Variants in DLG2 observed in about 807,000 individuals in gnomAD.
DLG2 encodes disks large homolog 2.
A neutral mutation model predicts 132.5 loss-of-function variants in DLG2; 45 were observed. That is an observed-to-expected ratio of 0.34 (90% CI 0.27 to 0.44). The LOEUF is 0.44. Among genes scored for constraint, DLG2 ranks in the 20% least tolerant of loss-of-function variants. DLG2 has a pLI of 1.00. For synonymous variants in DLG2, 424 were observed against 419.6 expected (o/e 1.01, Z -0.13); for missense variants, 1,045 against 1,196.9 (o/e 0.87, Z 1.87).
intron 15 of DLG2, among the ~76,000 whole-genome samples, chr11:83,927,770 G>A (rs1308293426): frequency 6.6e-6 from 1 of 152,094 alleles, no homozygotes; most frequent in East Asian, 1.9e-4. Context: ...CAATTAAGAA[G>A]CTATTATAGG....
chr11:85,552,144 A>C (rs1052228051), intron 3 of DLG2, among the ~76,000 whole-genome samples: 1 of 151,458 alleles, frequency 6.6e-6, no homozygotes, highest in African/African-American at 2.4e-5. Context: ...GGCAGTAGCA[A>C]GAATGTTCAT....
chr11:84,079,556 T>G (rs138235472), intron 10 of DLG2, among the ~76,000 whole-genome samples: 2,057 of 152,300 alleles, frequency 0.014, 50 homozygotes, highest in African/African-American at 0.046. Flanking sequence ...GTGTTGGGAT[T>G]ACAGGCATGA....
chr11:84,882,962 T>C (rs1196599574), intron 6 of DLG2, among the ~76,000 whole-genome samples: 1 of 152,122 alleles, frequency 6.6e-6, no homozygotes, highest in African/African-American at 2.4e-5. Context: ...TTCCTGGGTA[T>C]ATACCCAAAG....
At chr11:84,415,443 C>T (rs1405935674) in intron 7 of DLG2, among the ~76,000 whole-genome samples, 1 of 152,094 alleles carries the variant, frequency 6.6e-6, no homozygotes, top group African/African-American at 2.4e-5. Flanking sequence ...GTTTTCTATT[C>T]ATCTTATATA....
Position 83,456,572 on chromosome 11 carries a change from G to C in DLG2, c.*3246C>G, listed in dbSNP as rs1003437390. 6.6e-6 allele frequency: 1 copy of C among 151,548 alleles called. No individual in the cohort carries two copies. The highest frequency in any genetic ancestry group is 2.1e-4 in the South Asian group (1 of 4,800). 9.4% of individuals were successfully genotyped at this position (151,548 alleles called of 1,614,324 possible). ...AGACTAAAGGAGAGGTGGACAAAAA[G>C]AGAAAGGGAATAGAGAAGGATTATA... On this transcript the variant is annotated 3_prime_UTR_variant, in exon 28 of 28. Coordinates refer to ENST00000376104, the MANE Select transcript of DLG2 (RefSeq NM_001142699.3).
intron 6 of DLG2, among the ~76,000 whole-genome samples, chr11:84,662,263 G>A (rs1181665753): frequency 7.1e-6 from 1 of 140,176 alleles, no homozygotes; most frequent in African/African-American, 2.7e-5. Flanking sequence ...TACAATCTCT[G>A]CCTCCCAGGT....
intron 3 of DLG2, among the ~76,000 whole-genome samples, chr11:85,361,598 G>A (rs1272891583): frequency 6.6e-6 from 1 of 152,134 alleles, no homozygotes; most frequent in African/African-American, 2.4e-5. Flanking sequence ...CAGGATCATG[G>A]CCTCCAGTTC....
At chr11:83,998,063 G>A (rs942864843) in intron 11 of DLG2, among the ~76,000 whole-genome samples, 3 of 152,050 alleles carry the variant, frequency 2.0e-5, no homozygotes, top group Admixed American at 2.0e-4. Flanking sequence ...TTGAACCCGG[G>A]AGGTGGAGGT....
chr11:84,001,496 A>C (rs889364857), intron 11 of DLG2, among the ~76,000 whole-genome samples: 2 of 152,114 alleles, frequency 1.3e-5, no homozygotes, highest in African/African-American at 2.4e-5. Context: ...TTCTAATACA[A>C]TAATAGTGGG....
intron 3 of DLG2, among the ~76,000 whole-genome samples, chr11:85,422,920 A>G (rs1178564458): frequency 2.0e-5 from 3 of 150,266 alleles, no homozygotes; most frequent in East Asian, 3.9e-4. Context: ...TAATAACTAA[A>G]CTCCTGAATT....
chr11:84,470,233 G>C (rs541801542), intron 7 of DLG2, among the ~76,000 whole-genome samples: 2 of 151,802 alleles, frequency 1.3e-5, no homozygotes, highest in African/African-American at 4.8e-5. Flanking sequence ...GAGGAAAATG[G>C]AAATACTAGA....
intron 4 of DLG2, among the ~76,000 whole-genome samples, chr11:85,254,774 G>A (rs1365748487): frequency 6.6e-6 from 1 of 152,152 alleles, no homozygotes; most frequent in East Asian, 1.9e-4. Context: ...GCTGAGGCAG[G>A]AGGATCATGA....
chr11:85,207,749 G>T (rs2081998681), intron 4 of DLG2, among the ~76,000 whole-genome samples: 1 of 151,964 alleles, frequency 6.6e-6, no homozygotes, highest in Admixed American at 6.6e-5. Flanking sequence ...TATGGGGTGG[G>T]AATGGAACTT....
intron 17 of DLG2, among the ~76,000 whole-genome samples, chr11:83,787,482 C>T (rs370006011): frequency 6.5e-4 from 98 of 151,818 alleles, no homozygotes; most frequent in Non-Finnish European, 1.2e-3. Context: ...CCACCACGCC[C>T]GGCTAATTTT....
At chr11:84,789,267 T>C (rs1324820178) in intron 6 of DLG2, among the ~76,000 whole-genome samples, 3 of 152,194 alleles carry the variant, frequency 2.0e-5, no homozygotes, top group Non-Finnish European at 4.4e-5. Context: ...GTCTTTCTCA[T>C]AATGGCTGCA....
rs1173438622 is a variant in DLG2 at position 85,015,862 on chromosome 11, T to C, written c.357+95799A>G. 2.0e-5 allele frequency among the ~76,000 whole-genome samples: 3 copies of C among 152,164 alleles called. No individual in the cohort carries two copies. The East Asian group carries it at 5.8e-4, about 29-fold the overall frequency. ...AAATTCAAACTCTTATAATACTTTA[T>C]GGTAACTTATCTCATAGAAATTACA... On this transcript the variant is annotated intron_variant, in intron 6 of 27. Coordinates refer to ENST00000376104, the MANE Select transcript of DLG2 (RefSeq NM_001142699.3).
chr11:83,846,816 C>G (rs1267466176), intron 16 of DLG2, among the ~76,000 whole-genome samples: 1 of 151,826 alleles, frequency 6.6e-6, no homozygotes, highest in African/African-American at 2.4e-5. Context: ...ATCTAATAAC[C>G]AAGTTCCACC....
At chr11:85,084,575 A>G (rs1350061789) in intron 6 of DLG2, among the ~76,000 whole-genome samples, 2 of 152,302 alleles carry the variant, frequency 1.3e-5, no homozygotes, top group South Asian at 2.1e-4. Flanking sequence ...AGTATCAACT[A>G]AAAGTGTAAC....
At chr11:84,497,435 T>C (rs540782888) in intron 7 of DLG2, among the ~76,000 whole-genome samples, 1 of 152,210 alleles carries the variant, frequency 6.6e-6, no homozygotes, top group African/African-American at 2.4e-5. Flanking sequence ...TGAAGCATCC[T>C]AAATGTGAGT....
Sources: gnomAD v4.1 joint callset for allele counts (sites outside exome capture counted in the v4.1 genomes callset) on GRCh38, gnomAD v4.1.1 for gene constraint, MANE v1.5 for transcripts, NCBI Gene and HGNC (gene_info 2026-07-23, HGNC 2026-07-21) for gene names.